ZNF778: variants seen among roughly 807,000 people sequenced by gnomAD.
ZNF778 encodes the protein zinc finger protein 778.
ZNF778 carries 37 observed loss-of-function variants against 23.9 expected under a neutral mutation model. The ratio of observed to expected loss-of-function variants is 1.54; its 90% CI spans 1.19 to 2.03. The LOEUF (loss-of-function observed/expected upper bound fraction) is 2.03. Among genes scored for constraint, ZNF778 ranks in the 30% most tolerant of loss-of-function variants. The pLI is 0.00. For missense variants in ZNF778, 1,297 were observed against 934.4 expected (o/e 1.39, Z -5.06); for synonymous variants, 483 against 343.9 (o/e 1.40, Z -4.48).
chr16:89,225,762 A>G, intron 6 of ZNF778, 131 bp downstream of exon 6: 1 of 825,998 alleles, frequency 1.2e-6, no homozygotes, highest in Non-Finnish European at 1.9e-6. Flanking sequence ...GTCTGTAGAG[A>G]ACACTCTGAA....
chr16:89,227,048 A>T lies in ZNF778; in HGVS notation c.760A>T (p.Lys254Ter), dbSNP rs1303221319. The T allele has an allele frequency of 6.2e-7, 1 of 1,613,856 alleles. No homozygotes were observed. The highest frequency in any genetic ancestry group is 1.3e-5 in the African/African-American group (1 of 74,914). The change falls in exon 7 of 7, where the codon AAA becomes TAA. Residue 254 changes from lysine (K) to a stop codon, truncating the protein, a stop_gained. Transcript: ENST00000433976. LOFTEE classifies it low-confidence loss of function (END_TRUNC). ...AAGTCACAACGGAGAAGAAACATGG[A>T]AATGGAAGCCGTGTGGGAAAGCTCT... ...AGSHNGEETW[K>*]WKPCGKALTH...
At chr16:89,224,577 C>G (rs1035491780) in intron 4 of ZNF778, 142 bp from the exon 5 acceptor site, 5 of 593,496 alleles carry the variant, frequency 8.4e-6, no homozygotes, top group Admixed American at 4.8e-5. Flanking sequence ...CGAGATTGCA[C>G]CACTGCACTC....
In ZNF778 at chr16:89,233,935, A is replaced by G. The variant is rs2032153487; in HGVS notation, c.*5373A>G. 2.3e-6 allele frequency: 3 copies of G among 1,285,796 alleles called. No homozygotes were observed. The highest frequency in any genetic ancestry group is 3.0e-6 in the Non-Finnish European group (3 of 985,540). The allele number at this position is 1,285,796 out of a possible 1,614,324, so 79.6% of individuals were successfully genotyped here. A position where few individuals can be genotyped will look rare whatever the true frequency, so the allele number is the denominator to read the frequency against. On this transcript the variant is annotated 3_prime_UTR_variant, in exon 7 of 7. Transcript: ENST00000433976. ...GGCACTAGACAGCAGGACATGCTGT[A>G]TGCCCTTGGGCCTGCTGGAAGTATG... is the stretch of plus-strand genomic sequence containing the variant.
Position 89,228,149 on chromosome 16 carries a change from G to A in ZNF778, c.1861G>A (p.Val621Ile), listed in dbSNP as rs2031670828. The change falls in exon 7 of 7, where the codon GTA (valine) becomes ATA (isoleucine). Residue 621 changes from valine (V) to isoleucine (I), a missense_variant. Val to Ile is a conservative substitution (Grantham distance 29). Coordinates refer to ENST00000433976, the MANE Select transcript of ZNF778 (RefSeq NM_001201407.2). ...TGGAGAGAAACCTTATGAATGTAAA[G>A]TATGCGGAAAGGCCTTCACCACATC... ...HTGEKPYECKVCGKAFTTSSH... is the reference protein window; with the variant it reads ...HTGEKPYECKICGKAFTTSSH... The A allele has an allele frequency of 6.2e-7, 1 of 1,613,500 alleles. No homozygotes were observed. The highest frequency in any genetic ancestry group is 8.5e-7 in the Non-Finnish European group (1 of 1,179,684).
intron 3 of ZNF778, among the ~76,000 whole-genome samples, chr16:89,222,931 G>A (rs543545133): frequency 5.4e-5 from 8 of 147,566 alleles, no homozygotes; most frequent in Middle Eastern, 6.9e-3. Flanking sequence ...GACTGGAGGA[G>A]CGCGACAGGG....
chr16:89,221,112 C>T lies in ZNF778; in HGVS notation c.-16C>T. ...TCAGGAAAGGAGCATTCAGACGCTT[C>T]CGTCAGCCTCCCAGGATGGCAGCCC... On this transcript the variant is annotated 5_prime_UTR_variant, in exon 2 of 7. Transcript: ENST00000433976. 1 of 1,566,186 alleles carries T rather than the reference C, an allele frequency of 6.4e-7. No homozygotes were observed. Among genetic ancestry groups the T allele is most frequent in the Non-Finnish European group, 8.7e-7 (1 of 1,155,058 alleles).
intron 1 of ZNF778, among the ~76,000 whole-genome samples, chr16:89,220,137 C>A (rs2030776732): frequency 1.3e-5 from 2 of 152,160 alleles, no homozygotes; most frequent in Admixed American, 1.3e-4. Context: ...GGGAAAAGAG[C>A]CTGTGCAGGT....
In ZNF778 at chr16:89,221,052, A is replaced by G. The variant is rs72819396; in HGVS notation, c.-76A>G. On this transcript the variant is annotated 5_prime_UTR_variant, in exon 2 of 7. Transcript: ENST00000433976. ...GAGGAATGGAGACTGTACCTTCCAC[A>G]TAGATTCACAAGCTGCCCTGCAGTG... The G allele has an allele frequency of 0.036, 54,938 of 1,519,448 alleles. 3,643 individuals carry two copies. The highest frequency in any genetic ancestry group is 0.28 in the African/African-American group (20,233 of 72,436). 94.1% of individuals were successfully genotyped at this position (1,519,448 alleles called of 1,614,324 possible). A position where few individuals can be genotyped will look rare whatever the true frequency, so the allele number is the denominator to read the frequency against.
rs1366123291 is a variant in ZNF778, at chr16:89,232,968, T to C, written c.*4406T>C. On this transcript the variant is annotated 3_prime_UTR_variant, in exon 7 of 7. Coordinates refer to ENST00000433976, the MANE Select transcript of ZNF778 (RefSeq NM_001201407.2). ...TATGCAACTCAGCTCGCTCTGCGTA[T>C]GCAACTGAGCTCGCTCTGCGTATGC... The C allele has an allele frequency of 7.9e-7, 1 of 1,265,846 alleles. No individual in the cohort carries two copies. Among genetic ancestry groups the C allele is most frequent in the African/African-American group, 1.6e-5 (1 of 64,494 alleles). The allele number at this position is 1,265,846 out of a possible 1,614,324, so 78.4% of individuals were successfully genotyped here. A position where few individuals can be genotyped will look rare whatever the true frequency, so the allele number is the denominator to read the frequency against.
In ZNF778 at chr16:89,217,751, AGAGTTCCGCGC is replaced by A. The variant is rs2030479063; in HGVS notation, c.-289_-279del. 6.6e-6 allele frequency: 1 copy of A among 152,156 alleles called. No individual in the cohort carries two copies. The highest frequency in any genetic ancestry group is 1.5e-5 in the Non-Finnish European group (1 of 68,012). 9.4% of individuals were successfully genotyped at this position (152,156 alleles called of 1,614,324 possible). On this transcript the variant is annotated 5_prime_UTR_variant, in exon 1 of 7. Coordinates refer to ENST00000433976, the MANE Select transcript of ZNF778 (RefSeq NM_001201407.2). The stretch of plus-strand genomic sequence containing the variant: ...TTGCGGCGGTGCGTGCTGGCGCCGG[AGAGTTCCGCGC>A]GTGTCCTCGGGCTGTCCGCGGGGAA...
chr16:89,224,237 A>T (rs1315415239), intron 4 of ZNF778, among the ~76,000 whole-genome samples: 1 of 151,738 alleles, frequency 6.6e-6, no homozygotes, highest in Non-Finnish European at 1.5e-5. Context: ...CTGTAATCCC[A>T]GCACTCTGGG....
At chr16:89,223,000 T>TGTGTGC (rs746448094) in intron 3 of ZNF778, among the ~76,000 whole-genome samples, 157 bp from the exon 4 acceptor site, 10 of 151,536 alleles carry the variant, frequency 6.6e-5, no homozygotes, top group Non-Finnish European at 1.3e-4. Flanking sequence ...CGACAGGGCG[T>TGTGTGC]GTGTGCGGGC....
At position 89,232,208 on chromosome 16, in the gene ZNF778, G is replaced by A. The variant is rs9972734; in HGVS notation, c.*3646G>A. The A allele has an allele frequency of 0.1, 17,174 of 171,484 alleles. 1,167 individuals carry two copies. The highest frequency in any genetic ancestry group is 0.2 in the African/African-American group (8,288 of 41,846). 10.6% of individuals were successfully genotyped at this position (171,484 alleles called of 1,614,324 possible). ...GTGTCAAGCCTGGATTGGTTTGTAG[G>A]GGAATGCACTAGTTACTGGGAGCAT... On this transcript the variant is annotated 3_prime_UTR_variant, in exon 7 of 7. Transcript: ENST00000433976.
At position 89,228,059 on chromosome 16, in the gene ZNF778, T is replaced by C. The variant is rs1567507649; in HGVS notation, c.1771T>C (p.Cys591Arg). The C allele has an allele frequency of 6.2e-7, 1 of 1,613,158 alleles. No homozygotes were observed. The highest frequency in any genetic ancestry group is 8.5e-7 in the Non-Finnish European group (1 of 1,179,232). The change falls in exon 7 of 7, where the codon TGT becomes CGT. Residue 591 changes from cysteine to arginine, a missense_variant. Coordinates refer to ENST00000433976, the MANE Select transcript of ZNF778 (RefSeq NM_001201407.2). ...QIHTGIKPYE[C>R]KDCGKTFTVS... Reference sequence around the variant, plus strand: ...TCACACTGGAATAAAACCTTATGAATGTAAGGACTGTGGGAAAACATTCAC... The same window carrying C: ...TCACACTGGAATAAAACCTTATGAACGTAAGGACTGTGGGAAAACATTCAC...
At chr16:89,220,129 G>A (rs977304315) in intron 1 of ZNF778, among the ~76,000 whole-genome samples, 4 of 152,166 alleles carry the variant, frequency 2.6e-5, no homozygotes, top group Admixed American at 1.3e-4. Context: ...TTGAAGGAGG[G>A]AAAAGAGCCT....
In ZNF778 at chr16:89,225,552, C is replaced by A; in HGVS notation, c.329-3C>A. 1 of 1,528,376 alleles carries A rather than the reference C, an allele frequency of 6.5e-7. No individual in the cohort carries two copies. Among genetic ancestry groups the A allele is most frequent in the Non-Finnish European group, 8.9e-7 (1 of 1,128,592 alleles). 94.7% of individuals were successfully genotyped at this position (1,528,376 alleles called of 1,614,324 possible). A position where few individuals can be genotyped will look rare whatever the true frequency, so the allele number is the denominator to read the frequency against. On this transcript the variant is annotated splice_polypyrimidine_tract_variant and splice_region_variant and intron_variant, in intron 5 of 6. Coordinates refer to ENST00000433976, the MANE Select transcript of ZNF778 (RefSeq NM_001201407.2). ...TTTTTAGGTCATTCTTCTTTCTTTT[C>A]AGAATGGCGACTTAAAACCAAAGGG...
At chr16:89,220,489 C>G (rs1198707070) in intron 1 of ZNF778, among the ~76,000 whole-genome samples, 2 of 152,148 alleles carry the variant, frequency 1.3e-5, no homozygotes, top group African/African-American at 4.8e-5. Flanking sequence ...AACCCCACCT[C>G]TACTAAAAAT....
chr16:89,222,052 C>G (rs751473913), intron 2 of ZNF778, 40 bp from the exon 3 acceptor site: 13 of 1,477,722 alleles, frequency 8.8e-6, no homozygotes, highest in Non-Finnish European at 1.1e-5. Flanking sequence ...TTAGGGTCAG[C>G]TCTGGGTTCT....
chr16:89,224,853 G>A, intron 5 of ZNF778, 51 bp downstream of exon 5: 3 of 1,304,010 alleles, frequency 2.3e-6, no homozygotes, highest in Admixed American at 2.0e-5. Flanking sequence ...AGCTGTGGGA[G>A]GATCCTGAGT....
Sources: allele counts gnomAD v4.1 joint callset (sites outside exome capture counted in the v4.1 genomes callset), GRCh38; gene constraint gnomAD v4.1.1; transcripts MANE v1.5; gene names NCBI Gene and HGNC (gene_info 2026-07-23, HGNC 2026-07-21).